CNTLN: variants seen among roughly 807,000 people sequenced by gnomAD.
CNTLN encodes the protein centlein, centrosomal protein.
Under a neutral mutation model 180.0 loss-of-function variants are expected in CNTLN, and 212 were observed. The ratio of observed to expected loss-of-function variants is 1.18; its 90% CI spans 1.05 to 1.32. The LOEUF (loss-of-function observed/expected upper bound fraction) is 1.32, where lower values mean the gene tolerates loss of function less well. CNTLN is among the 40% of genes most tolerant of loss of function. CNTLN has a pLI of 0.00. For synonymous variants in CNTLN, 722 were observed against 563.1 expected, an observed-to-expected ratio of 1.28 and a Z score of -3.99; for missense variants, 2,095 against 1,610.9, an observed-to-expected ratio of 1.30 and a Z score of -5.14.
chr9:17,415,806 A>C lies in CNTLN; in HGVS notation c.2815A>C (p.Asn939His). The change falls in exon 17 of 26, where the codon AAT becomes CAT. Residue 939 changes from asparagine to histidine, a missense_variant. Physicochemically the swap from Asn to His is moderately conservative, Grantham distance 68. Coordinates refer to ENST00000380647, the MANE Select transcript of CNTLN (RefSeq NM_017738.4). ...AATTTAGGACTATTTTCATGATAAG[A>C]ATGCCAAAAAACCAACTTTTCAAAA... ...KTPKDYFHDK[N>H]AKKPTFQKKN... 6.2e-7 allele frequency: 1 copy of C among 1,608,530 alleles called. No individual in the cohort carries two copies.
the CNTLN span, among the ~76,000 whole-genome samples, chr9:17,510,001 G>T: frequency 2.6e-5 from 4 of 152,112 alleles, no homozygotes; most frequent in Non-Finnish European, 5.9e-5. Flanking sequence ...GGGGAAATTG[G>T]ACTACTACTC....
chr9:17,246,506 G>A (rs1044203090), intron 5 of CNTLN, among the ~76,000 whole-genome samples: 5 of 152,186 alleles, frequency 3.3e-5, no homozygotes, highest in African/African-American at 1.2e-4. Flanking sequence ...TGAAGCTAGT[G>A]CAGCACTGGT....
intron 2 of CNTLN, among the ~76,000 whole-genome samples, chr9:17,159,824 G>A (rs1819553820): frequency 6.6e-6 from 1 of 152,132 alleles, no homozygotes; most frequent in Non-Finnish European, 1.5e-5. Context: ...GATTTTCTTG[G>A]ATAGATGTTT....
chr9:17,153,567 C>G (rs1819049327), intron 2 of CNTLN, among the ~76,000 whole-genome samples: 1 of 152,196 alleles, frequency 6.6e-6, no homozygotes, highest in Non-Finnish European at 1.5e-5. Flanking sequence ...GTAACCCAAT[C>G]TTTCTTACTG....
intron 2 of CNTLN, among the ~76,000 whole-genome samples, chr9:17,179,020 G>A (rs1461452267): frequency 2.7e-5 from 4 of 146,206 alleles, no homozygotes; most frequent in East Asian, 3.9e-4. Flanking sequence ...CGAGGCGGGC[G>A]GATCACGAGG....
At chr9:17,420,105 G>A (rs1361284407) in intron 18 of CNTLN, among the ~76,000 whole-genome samples, 1 of 152,066 alleles carries the variant, frequency 6.6e-6, no homozygotes, top group African/African-American at 2.4e-5. Flanking sequence ...GGTGGAGTTG[G>A]GGTTTCACCA....
rs1377567533 is a variant in CNTLN at position 17,503,261 on chromosome 9, C to T, written c.*609C>T. The T allele has an allele frequency of 6.6e-6, 1 of 152,230 alleles. No homozygotes were observed. Among genetic ancestry groups the T allele is most frequent in the Non-Finnish European group, 1.5e-5 (1 of 68,068 alleles). 9.4% of individuals were successfully genotyped at this position (152,230 alleles called of 1,614,324 possible). A position where few individuals can be genotyped will look rare whatever the true frequency, so the allele number is the denominator to read the frequency against. ...TTTCTTCTTCTCTCTCTTAACTTCA[C>T]AATACTATACGTTGTGTAGTCATAT... On this transcript the variant is annotated 3_prime_UTR_variant, in exon 26 of 26. Transcript: ENST00000380647.
At chr9:17,262,543 G>A (rs1246984505) in intron 5 of CNTLN, among the ~76,000 whole-genome samples, 4 of 151,458 alleles carry the variant, frequency 2.6e-5, no homozygotes, top group Admixed American at 6.6e-5. Flanking sequence ...ATGAACACAG[G>A]AAGGGGAGCA....
At chr9:17,249,562 G>C (rs1225972943) in intron 5 of CNTLN, among the ~76,000 whole-genome samples, 2 of 151,896 alleles carry the variant, frequency 1.3e-5, no homozygotes, top group Admixed American at 6.6e-5. Context: ...TGTTAGCCAG[G>C]ATGGTCTTGA....
intron 7 of CNTLN, chr9:17,299,812 G>T: frequency 1.0e-6 from 1 of 983,956 alleles, no homozygotes; most frequent in Non-Finnish European, 1.2e-6. Flanking sequence ...ATGACTTTCT[G>T]TTGCTTGGAA....
chr9:17,422,193 C>T (rs1043330022), intron 18 of CNTLN, among the ~76,000 whole-genome samples: 1 of 152,064 alleles, frequency 6.6e-6, no homozygotes, highest in Non-Finnish European at 1.5e-5. Flanking sequence ...TTTTCTTTAG[C>T]ACTTTGAATA....
chr9:17,256,236 G>A (rs979377099), intron 5 of CNTLN, among the ~76,000 whole-genome samples: 4 of 151,866 alleles, frequency 2.6e-5, no homozygotes, highest in African/African-American at 9.7e-5. Context: ...GTTTTTGGTA[G>A]AAAAATTTAT....
chr9:17,500,660 G>A (rs1188757309), intron 25 of CNTLN, among the ~76,000 whole-genome samples: 2 of 152,240 alleles, frequency 1.3e-5, no homozygotes, highest in East Asian at 1.9e-4. Flanking sequence ...AGTTTGGTTT[G>A]TTTCCCAAAT....
intron 2 of CNTLN, among the ~76,000 whole-genome samples, chr9:17,200,995 C>A (rs530135250): frequency 6.6e-6 from 1 of 151,976 alleles, no homozygotes; most frequent in Non-Finnish European, 1.5e-5. Context: ...TGTTATTTTG[C>A]GATACGTTCC....
At chr9:17,172,278 A>G (rs1330106607) in intron 2 of CNTLN, among the ~76,000 whole-genome samples, 1 of 152,148 alleles carries the variant, frequency 6.6e-6, no homozygotes, top group Non-Finnish European at 1.5e-5. Context: ...CCTTAGCAGT[A>G]ATGGCTGCAA....
At chr9:17,418,275 A>G (rs1360373444) in intron 18 of CNTLN, among the ~76,000 whole-genome samples, 1 of 152,144 alleles carries the variant, frequency 6.6e-6, no homozygotes, top group South Asian at 2.1e-4. Context: ...ATTAACTAGA[A>G]TTAGATTTAA....
chr9:17,216,539 C>T (rs1234721461), intron 2 of CNTLN, among the ~76,000 whole-genome samples: 1 of 152,042 alleles, frequency 6.6e-6, no homozygotes, highest in Non-Finnish European at 1.5e-5. Flanking sequence ...GATATGTGTG[C>T]TATATCCTTG....
At chr9:17,185,481 C>G (rs1821371947) in intron 2 of CNTLN, among the ~76,000 whole-genome samples, 1 of 152,182 alleles carries the variant, frequency 6.6e-6, no homozygotes, top group Admixed American at 6.5e-5. Context: ...TTTTAATTGT[C>G]ATTTGGCTCA....
intron 5 of CNTLN, among the ~76,000 whole-genome samples, chr9:17,257,206 T>C (rs375949507): frequency 6.6e-6 from 1 of 151,086 alleles, no homozygotes; most frequent in Non-Finnish European, 1.5e-5. Flanking sequence ...AATTCCCACC[T>C]ATGAGTGAGA....
Sources: allele counts gnomAD v4.1 joint callset (sites outside exome capture counted in the v4.1 genomes callset), GRCh38; gene constraint gnomAD v4.1.1; transcripts MANE v1.5; gene names NCBI Gene and HGNC (gene_info 2026-07-23, HGNC 2026-07-21).